MYO18B: variants seen among roughly 807,000 people sequenced by gnomAD.
MYO18B encodes the protein myosin XVIIIB, also known as unconventional myosin-XVIIIb.
Under a neutral mutation model 273.0 loss-of-function variants are expected in MYO18B, and 204 were observed. The observed-to-expected ratio is 0.75, with a 90% CI of 0.67 to 0.84. The LOEUF is 0.84. Ranked by LOEUF, MYO18B falls within the 40% of genes least tolerant of loss-of-function variation. MYO18B has a pLI of 0.00. For missense variants in MYO18B, 3,212 were observed against 3,287.6 expected, an observed-to-expected ratio of 0.98 and a Z score of 0.56; for synonymous variants, 1,330 against 1,305.7, an observed-to-expected ratio of 1.02 and a Z score of -0.40.
At chr22:25,749,990 A>AGC (rs1451415358) in intron 1 of MYO18B, among the ~76,000 whole-genome samples, 3 of 152,212 alleles carry the variant, frequency 2.0e-5, no homozygotes, top group Non-Finnish European at 4.4e-5. Flanking sequence ...GCTGCTTGTG[A>AGC]GCCGCAAGGG....
intron 16 of MYO18B, among the ~76,000 whole-genome samples, chr22:25,833,860 C>T (rs1318075909): frequency 1.3e-5 from 2 of 152,224 alleles, no homozygotes; most frequent in Non-Finnish European, 2.9e-5. Flanking sequence ...CCTTTTCTTC[C>T]TTCCTTGTCT....
At chr22:25,946,449 T>C (rs2092713665) in intron 35 of MYO18B, among the ~76,000 whole-genome samples, 199 bp downstream of exon 35, 1 of 152,066 alleles carries the variant, frequency 6.6e-6, no homozygotes, top group Admixed American at 6.6e-5. Context: ...AGGGGACTTA[T>C]TGTAGACCTA....
At chr22:25,884,890 G>T (rs1354188887) in intron 25 of MYO18B, 1 of 152,134 alleles carries the variant, frequency 6.6e-6, no homozygotes, top group Non-Finnish European at 1.5e-5. Flanking sequence ...AAGCCTGTGG[G>T]GAGAAGGTGC....
At chr22:25,927,687 C>A (rs1313358776) in intron 34 of MYO18B, among the ~76,000 whole-genome samples, 7 of 152,086 alleles carry the variant, frequency 4.6e-5, no homozygotes, top group Non-Finnish European at 8.8e-5. Context: ...TTTTGAAACT[C>A]CCTAATAAAA....
chr22:25,948,475 T>C (rs138940705), intron 36 of MYO18B, among the ~76,000 whole-genome samples: 3,881 of 138,368 alleles, frequency 0.028, 161 homozygotes, highest in African/African-American at 0.099. Flanking sequence ...TCTTTCTTTC[T>C]TTCTTTCTTT....
the MYO18B span, among the ~76,000 whole-genome samples, chr22:26,058,025 T>C: frequency 6.6e-6 from 1 of 152,110 alleles, no homozygotes; most frequent in African/African-American, 2.4e-5. Context: ...TCAATTAGAA[T>C]TGGCAAATGA....
At position 25,768,671 on chromosome 22, in the gene MYO18B, A is replaced by G; in HGVS notation, c.755A>G (p.Glu252Gly). ...GGGCTTGGGACCCCCAAGACCACAG[A>G]GCTGAAAGAGGCTGAGCCCCAGGGC... ...GKGLGTPKTT[E>G]LKEAEPQGKD... The change falls in exon 4 of 44, where the codon GAG becomes GGG. Residue 252 changes from glutamate (E) to glycine (G), a missense_variant. Physicochemically the swap from Glu to Gly is moderately conservative, Grantham distance 98. Coordinates refer to ENST00000335473, the MANE Select transcript of MYO18B (RefSeq NM_032608.7). 6.5e-7 allele frequency: 1 copy of G among 1,543,256 alleles called. No individual in the cohort carries two copies. The highest frequency in any genetic ancestry group is 8.7e-7 in the Non-Finnish European group (1 of 1,149,416).
At chr22:25,862,511 T>C (rs867984832) in intron 21 of MYO18B, among the ~76,000 whole-genome samples, 6 of 152,200 alleles carry the variant, frequency 3.9e-5, no homozygotes, top group African/African-American at 2.4e-5. Context: ...GCAGGTCTCA[T>C]AGCAATAAGT....
Position 25,903,774 on chromosome 22 carries a change from C to G in MYO18B, c.5091C>G (p.Ala1697=). The part of the protein sequence containing the change: ...KERLWKLESS[A]LEQQKIQSQQ... ...GGCTCTGGAAGTTGGAATCCAGCGC[C>G]CTTGAGCAACAGAAAATCCAGAGCC... The change falls in exon 31 of 44, where the codon GCC becomes GCG. Residue 1697 remains alanine (A), a synonymous_variant. Coordinates refer to ENST00000335473, the MANE Select transcript of MYO18B (RefSeq NM_032608.7). 1 of 1,603,990 alleles carries G rather than the reference C, an allele frequency of 6.2e-7. No homozygotes were observed. The highest frequency in any genetic ancestry group is 8.5e-7 in the Non-Finnish European group (1 of 1,175,328).
intron 12 of MYO18B, among the ~76,000 whole-genome samples, chr22:25,815,483 A>G (rs1370635706): frequency 6.6e-6 from 1 of 152,184 alleles, no homozygotes; most frequent in Non-Finnish European, 1.5e-5. Flanking sequence ...TTTCATTCTT[A>G]AAACAACCAG....
intron 42 of MYO18B, among the ~76,000 whole-genome samples, chr22:26,022,354 G>A (rs1364409179): frequency 6.6e-6 from 1 of 151,864 alleles, no homozygotes; most frequent in Admixed American, 6.6e-5. Context: ...GACAGGAATG[G>A]GGATGATCAT....
intron 1 of MYO18B, among the ~76,000 whole-genome samples, chr22:25,747,092 A>G (rs950173949): frequency 3.3e-5 from 5 of 152,184 alleles, no homozygotes; most frequent in African/African-American, 1.2e-4. Flanking sequence ...ACTGTACTCC[A>G]GCCTGGGCAA....
chr22:25,784,916 C>T (rs8135105), intron 10 of MYO18B, among the ~76,000 whole-genome samples: 2 of 152,104 alleles, frequency 1.3e-5, no homozygotes, highest in Admixed American at 6.5e-5. Context: ...AGTCTGGGCT[C>T]GAGGGGCCAA....
chr22:26,043,672 G>A, the MYO18B span, among the ~76,000 whole-genome samples: 8 of 151,724 alleles, frequency 5.3e-5, no homozygotes, highest in South Asian at 2.1e-4. Context: ...CACCACGTCC[G>A]GCTAATTTTT....
chr22:25,843,321 A>G (rs1013462879), intron 17 of MYO18B, among the ~76,000 whole-genome samples: 2 of 152,326 alleles, frequency 1.3e-5, no homozygotes, highest in South Asian at 4.1e-4. Flanking sequence ...CATAATTTCC[A>G]TGCATATCAG....
chr22:26,024,142 G>A (rs574093994), intron 42 of MYO18B, among the ~76,000 whole-genome samples: 8 of 152,320 alleles, frequency 5.3e-5, no homozygotes, highest in Admixed American at 4.6e-4. Flanking sequence ...AGTCCAGTGT[G>A]GGGTTGGGTT....
intron 39 of MYO18B, among the ~76,000 whole-genome samples, chr22:25,976,901 G>T (rs937199955): frequency 2.0e-5 from 3 of 152,266 alleles, no homozygotes; most frequent in Admixed American, 2.0e-4. Context: ...GAGGTGACGG[G>T]ATATGCCTGA....
intron 17 of MYO18B, among the ~76,000 whole-genome samples, chr22:25,837,430 G>A (rs1569090547): frequency 6.6e-6 from 1 of 152,218 alleles, no homozygotes; most frequent in Non-Finnish European, 1.5e-5. Context: ...GCGGCTGAAA[G>A]GTCAAGTGAG....
chr22:25,829,186 A>G (rs1427178952), intron 15 of MYO18B, among the ~76,000 whole-genome samples: 1 of 152,170 alleles, frequency 6.6e-6, no homozygotes. Flanking sequence ...CGCAGCCCAG[A>G]AGCACCAAGG....
Sources: allele counts gnomAD v4.1 joint callset (sites outside exome capture counted in the v4.1 genomes callset), GRCh38; gene constraint gnomAD v4.1.1; transcripts MANE v1.5; gene names NCBI Gene and HGNC (gene_info 2026-07-23, HGNC 2026-07-21).